TENM4: variants seen among roughly 807,000 people sequenced by gnomAD.
TENM4 encodes the protein teneurin-4.
TENM4 carries 82 observed loss-of-function variants against 243.3 expected under a neutral mutation model. That is an observed-to-expected ratio of 0.34 (90% CI 0.28 to 0.40). The LOEUF (loss-of-function observed/expected upper bound fraction) is 0.40, where lower values mean the gene tolerates loss of function less well. TENM4 is among the 10% of genes least tolerant of loss of function. The probability of loss-of-function intolerance (pLI) is 1.00; values close to 1 mark genes in which losing one functional copy is unlikely to be tolerated. For synonymous variants in TENM4, 1,412 were observed against 1,456.3 expected, an observed-to-expected ratio of 0.97 and a Z score of 0.69; for missense variants, 3,138 against 3,673.3, an observed-to-expected ratio of 0.85 and a Z score of 3.77.
chr11:79,027,946 T>C (rs1008877991), intron 6 of TENM4, among the ~76,000 whole-genome samples: 6 of 152,160 alleles, frequency 3.9e-5, no homozygotes, highest in African/African-American at 9.7e-5. Context: ...TGAAGCTCAG[T>C]TGGGTTCACT....
intron 2 of TENM4, among the ~76,000 whole-genome samples, chr11:79,240,005 A>T (rs952130154): frequency 3.1e-4 from 47 of 152,220 alleles, no homozygotes; most frequent in Non-Finnish European, 2.5e-4. Flanking sequence ...AAGCCTTTCC[A>T]AACGCAAGGT....
At chr11:78,811,669 A>C (rs1857505019) in intron 14 of TENM4, among the ~76,000 whole-genome samples, 1 of 152,188 alleles carries the variant, frequency 6.6e-6, no homozygotes, top group Admixed American at 6.5e-5. Flanking sequence ...AATGGAGATT[A>C]AAAATGAGCA....
At chr11:79,342,579 G>A (rs1187685821) in intron 1 of TENM4, among the ~76,000 whole-genome samples, 2 of 152,178 alleles carry the variant, frequency 1.3e-5, no homozygotes. Flanking sequence ...CATCATCTAG[G>A]CAGGGGTTCT....
chr11:79,385,633 C>A (rs1858095898), intron 1 of TENM4, among the ~76,000 whole-genome samples: 1 of 152,066 alleles, frequency 6.6e-6, no homozygotes, highest in African/African-American at 2.4e-5. Context: ...AAAAAATAAC[C>A]CCTTTTCTAA....
intron 7 of TENM4, among the ~76,000 whole-genome samples, 187 bp from the exon 8 acceptor site, chr11:78,891,523 AG>A (rs1481008362): frequency 6.6e-6 from 1 of 152,222 alleles, no homozygotes. Context: ...GAGCATCCAG[AG>A]AGAATACTGT....
At chr11:78,761,625 G>A (rs1414680749) in intron 18 of TENM4, among the ~76,000 whole-genome samples, 1 of 152,046 alleles carries the variant, frequency 6.6e-6, no homozygotes, top group African/African-American at 2.4e-5. Context: ...CTTAGGTTGG[G>A]GTTCTAGGAC....
chr11:79,004,797 T>C (rs1335649979), intron 6 of TENM4, among the ~76,000 whole-genome samples: 1 of 151,720 alleles, frequency 6.6e-6, no homozygotes, highest in Non-Finnish European at 1.5e-5. Context: ...ATAAGAAAGA[T>C]CAATGAATCC....
At chr11:79,409,099 TGTGCGCGCGCGCGCGTGC>T (rs1293210238) in intron 1 of TENM4, among the ~76,000 whole-genome samples, 24 of 101,092 alleles carry the variant, frequency 2.4e-4, no homozygotes, top group East Asian at 1.3e-3. Flanking sequence ...TGTGTGTGTG[TGTGCGCGCGCGCGCGTGC>T]GTGCACGCGC....
intron 1 of TENM4, among the ~76,000 whole-genome samples, chr11:79,426,344 T>C (rs1212254411): frequency 1.3e-5 from 2 of 152,104 alleles, no homozygotes; most frequent in African/African-American, 2.4e-5. Context: ...CAGGTGGATG[T>C]CTGTAGGGGA....
intron 2 of TENM4, among the ~76,000 whole-genome samples, chr11:79,228,396 G>T (rs1864312172): frequency 6.6e-6 from 1 of 152,194 alleles, no homozygotes. Flanking sequence ...ACCACCAGGT[G>T]CAGAACAGCA....
chr11:79,126,451 G>T (rs145744792), intron 4 of TENM4, among the ~76,000 whole-genome samples: 1 of 152,142 alleles, frequency 6.6e-6, no homozygotes, highest in South Asian at 2.1e-4. Flanking sequence ...AAGGTGGCAG[G>T]GGCCAAGTGG....
chr11:78,667,065 G>C (rs1374419361), intron 32 of TENM4, among the ~76,000 whole-genome samples: 1 of 152,128 alleles, frequency 6.6e-6, no homozygotes, highest in African/African-American at 2.4e-5. Flanking sequence ...TGTGCTTAAT[G>C]CAGACAGATG....
At chr11:78,685,458 T>A (rs1047350118) in intron 29 of TENM4, among the ~76,000 whole-genome samples, 3 of 152,246 alleles carry the variant, frequency 2.0e-5, no homozygotes, top group Non-Finnish European at 2.9e-5. Context: ...ACAGGTACCA[T>A]GTTTCCTGGA....
intron 6 of TENM4, among the ~76,000 whole-genome samples, chr11:78,913,297 A>C (rs1856233594): frequency 6.6e-6 from 1 of 151,984 alleles, no homozygotes; most frequent in African/African-American, 2.4e-5. Context: ...AGACATAGAG[A>C]TGGATTAGAC....
At chr11:79,131,984 A>T (rs1862011763) in intron 4 of TENM4, among the ~76,000 whole-genome samples, 1 of 152,092 alleles carries the variant, frequency 6.6e-6, no homozygotes, top group African/African-American at 2.4e-5. Flanking sequence ...ACAGGAAAAT[A>T]TCACAATCCT....
intron 15 of TENM4, among the ~76,000 whole-genome samples, chr11:78,804,133 G>A (rs1565385695): frequency 6.6e-6 from 1 of 152,216 alleles, no homozygotes; most frequent in East Asian, 1.9e-4. Flanking sequence ...TTTAAACAGC[G>A]TGGAGTGCCG....
chr11:79,409,655 TA>T (rs1858656655), intron 1 of TENM4, among the ~76,000 whole-genome samples: 2 of 152,160 alleles, frequency 1.3e-5, no homozygotes, highest in Non-Finnish European at 2.9e-5. Context: ...ACACCAGCTG[TA>T]GCAGACACTA....
intron 12 of TENM4, among the ~76,000 whole-genome samples, chr11:78,829,906 A>T (rs1434980324): frequency 6.6e-6 from 1 of 152,212 alleles, no homozygotes; most frequent in African/African-American, 2.4e-5. Flanking sequence ...TTGTGACAAC[A>T]GGATAAGAGG....
At chr11:79,167,143 A>C (rs1862932574) in intron 3 of TENM4, among the ~76,000 whole-genome samples, 1 of 152,216 alleles carries the variant, frequency 6.6e-6, no homozygotes. Context: ...AGAGTTACCA[A>C]AGCCCAGGCT....
Sources: allele counts gnomAD v4.1 joint callset (sites outside exome capture counted in the v4.1 genomes callset), GRCh38; gene constraint gnomAD v4.1.1; transcripts MANE v1.5; gene names NCBI Gene and HGNC (gene_info 2026-07-23, HGNC 2026-07-21).